Variants in EMID1 observed in about 807,000 individuals in gnomAD.
EMID1 encodes EMI domain containing 1.
A neutral mutation model predicts 60.6 loss-of-function variants in EMID1; 40 were observed. That is an observed-to-expected ratio of 0.66 (90% confidence interval 0.51 to 0.86). The LOEUF is 0.86. EMID1 is among the 40% of genes least tolerant of loss of function. The pLI, the probability that EMID1 is intolerant of heterozygous loss-of-function variation, is 0.00. For synonymous variants in EMID1, 242 were observed against 231.0 expected (o/e 1.05, Z -0.43); for missense variants, 585 against 597.1 (o/e 0.98, Z 0.21).
At chr22:29,246,351 C>T (rs1242001012) in intron 13 of EMID1, among the ~76,000 whole-genome samples, 4 of 152,252 alleles carry the variant, frequency 2.6e-5, no homozygotes, top group South Asian at 2.1e-4. Context: ...CAGAGTGATG[C>T]GGTCAGGTTT....
intron 1 of EMID1, 118 bp from the exon 2 acceptor site, chr22:29,214,808 G>A (rs1017332822): frequency 1.2e-5 from 8 of 661,706 alleles, no homozygotes; most frequent in East Asian, 2.9e-5. Context: ...AGGGCTTCTC[G>A]CTGCCTGGGG....
intron 4 of EMID1, among the ~76,000 whole-genome samples, chr22:29,225,790 G>A (rs1242494756): frequency 6.6e-6 from 1 of 152,258 alleles, no homozygotes; most frequent in African/African-American, 2.4e-5. Context: ...CCGTGAGGAG[G>A]GGAGAGACTG....
chr22:29,227,676 G>T (rs929303625), intron 5 of EMID1, among the ~76,000 whole-genome samples: 1 of 133,738 alleles, frequency 7.5e-6, no homozygotes, highest in Non-Finnish European at 1.5e-5. Context: ...CTGTATTCCA[G>T]CCTGGGTAAC....
intron 14 of EMID1, chr22:29,254,494 C>T (rs566067737): frequency 2.5e-5 from 14 of 562,830 alleles, no homozygotes; most frequent in African/African-American, 7.5e-5. Flanking sequence ...CCTAGAAACC[C>T]GGGCCCTGCT....
intron 10 of EMID1, 132 bp from the exon 11 acceptor site, chr22:29,234,005 G>A (rs2040848404): frequency 1.0e-6 from 1 of 967,362 alleles, no homozygotes; most frequent in Non-Finnish European, 1.5e-6. Context: ...TGACTGCGGT[G>A]TGCTGGGTGT....
At position 29,259,322 on chromosome 22, in the gene EMID1, C is replaced by T; in HGVS notation, c.*378C>T. On this transcript the variant is annotated 3_prime_UTR_variant, in exon 15 of 15. Transcript: ENST00000334018. ...GGCAGGGGGCAGTCTTCCTCCCCCT[C>T]CCCGACCAAACCTCGGGGAGCCCTC... 2 of 238,952 alleles carry T rather than the reference C, an allele frequency of 8.4e-6. No homozygotes were observed. The highest frequency in any genetic ancestry group is 8.1e-6 in the Non-Finnish European group (1 of 123,170). The allele number at this position is 238,952 out of a possible 1,614,324, so 14.8% of individuals were successfully genotyped here. A position where few individuals can be genotyped will look rare whatever the true frequency, so the allele number is the denominator to read the frequency against.
intron 7 of EMID1, 74 bp downstream of exon 7, chr22:29,231,756 A>C: frequency 7.4e-7 from 1 of 1,359,290 alleles, no homozygotes; most frequent in Non-Finnish European, 9.7e-7. Flanking sequence ...CCTGCTCCTG[A>C]CATGGCCAGG....
intron 1 of EMID1, among the ~76,000 whole-genome samples, chr22:29,211,418 C>T (rs132376): frequency 0.75 from 113,808 of 152,116 alleles, 44,773 homozygotes; most frequent in Non-Finnish European, 0.87. Context: ...TGTGTCCATG[C>T]GTTGTGTGTA....
At chr22:29,253,743 G>A (rs114055003) in intron 13 of EMID1, among the ~76,000 whole-genome samples, 4 of 152,200 alleles carry the variant, frequency 2.6e-5, no homozygotes, top group African/African-American at 9.7e-5. Context: ...TTAGGGTGAG[G>A]CTAATGTGGT....
intron 5 of EMID1, among the ~76,000 whole-genome samples, chr22:29,227,719 A>C (rs1380927793): frequency 1.3e-5 from 2 of 150,984 alleles, no homozygotes; most frequent in Admixed American, 6.6e-5. Flanking sequence ...AAAAAAAAAA[A>C]AAAAAAAACA....
intron 3 of EMID1, among the ~76,000 whole-genome samples, chr22:29,222,355 A>G (rs1394237043): frequency 2.0e-5 from 3 of 151,678 alleles, no homozygotes; most frequent in Admixed American, 2.0e-4. Flanking sequence ...CAGCCTCCCA[A>G]AGTGCTAGGA....
At chr22:29,230,367 G>A (rs1239803244) in intron 5 of EMID1, among the ~76,000 whole-genome samples, 1 of 151,746 alleles carries the variant, frequency 6.6e-6, no homozygotes, top group African/African-American at 2.4e-5. Context: ...CAAACTAAGT[G>A]AAACTCTTCC....
Sources: allele counts gnomAD v4.1 joint callset (sites outside exome capture counted in the v4.1 genomes callset), GRCh38; gene constraint gnomAD v4.1.1; transcripts MANE v1.5; gene names NCBI Gene and HGNC (gene_info 2026-07-23, HGNC 2026-07-21).